The following ZNF304 variants were observed in gnomAD, a reference collection of about 807,000 sequenced individuals.
The protein encoded by ZNF304 is KRAB-containing zinc finger protein.
ZNF304 carries 7 observed loss-of-function variants against 7.8 expected under a neutral mutation model. The observed-to-expected ratio is 0.90, with a 90% CI of 0.51 to 1.69. The LOEUF (loss-of-function observed/expected upper bound fraction) is 1.69. ZNF304 is among the 40% of genes most tolerant of loss of function. ZNF304 has a pLI of 0.00. For missense variants in ZNF304, 669 were observed against 804.8 expected (o/e 0.83, Z 2.04); for synonymous variants, 280 against 272.4 (o/e 1.03, Z -0.27).
rs1340715210 is a variant in ZNF304, at chr19:57,359,415, A to AT, written c.*1570dup. 7 of 152,356 alleles carry AT rather than the reference A, an allele frequency of 4.6e-5. No homozygotes were observed. Among genetic ancestry groups the AT allele is most frequent in the East Asian group, 1.9e-4 (1 of 5,192 alleles). The allele number at this position is 152,356 out of a possible 1,614,324, so 9.4% of individuals were successfully genotyped here. A position where few individuals can be genotyped will look rare whatever the true frequency, so the allele number is the denominator to read the frequency against. ...TTTCCTAGTGGAACAGTATATATAG[A>AT]TTTTAATGAGGAACATTTATTTAAT... On this transcript the variant is annotated 3_prime_UTR_variant, in exon 3 of 3. Coordinates refer to ENST00000282286, the MANE Select transcript of ZNF304 (RefSeq NM_020657.4).
rs1253200503 is a variant in ZNF304 at position 57,356,786 on chromosome 19, A to C, written c.917A>C (p.His306Pro). The C allele has an allele frequency of 6.2e-7, 1 of 1,614,084 alleles. No homozygotes were observed. Among genetic ancestry groups the C allele is most frequent in the East Asian group, 2.2e-5 (1 of 44,892 alleles). Residue 306 changes from histidine (H) to proline (P), a missense_variant, in exon 3 of 3, where the codon CAC becomes CCC. Coordinates refer to ENST00000282286, the MANE Select transcript of ZNF304 (RefSeq NM_020657.4). ...MHQKFHTGKR[H>P]YTCSECGKAF... ...CAGAAATTTCACACTGGAAAAAGAC[A>C]CTATACATGCAGTGAATGTGGGAAG...
chr19:57,357,691 G>T lies in ZNF304; in HGVS notation c.1822G>T (p.Val608Phe), dbSNP rs775071237. 3.7e-6 allele frequency: 6 copies of T among 1,614,100 alleles called. No homozygotes were observed. The Admixed American group carries it at 5.0e-5, about 13-fold the overall frequency. ...RNSGLILHQR[V>F]HTGEKPYVCS... ...CTCTGGCCTCATTCTGCACCAGAGG[G>T]TTCACACTGGAGAAAAGCCTTACGT... The change falls in exon 3 of 3, where the codon GTT becomes TTT. Residue 608 changes from valine (V) to phenylalanine (F), a missense_variant. Transcript: ENST00000282286.
At position 57,356,139 on chromosome 19, in the gene ZNF304, A is replaced by G. The variant is rs770235098; in HGVS notation, c.270A>G (p.Pro90=). The G allele has an allele frequency of 1.2e-6, 2 of 1,614,192 alleles. No homozygotes were observed. The highest frequency in any genetic ancestry group is 2.2e-5 in the South Asian group (2 of 91,082). The stretch of plus-strand genomic sequence containing the variant: ...CAGGTCTTTTCCAGAAAGCACACCC[A>G]TGTGAGATGTGTGACCCACTCTTGA... ...AESGLFQKAH[P]CEMCDPLLKD... Residue 90 remains proline (P), a synonymous_variant, in exon 3 of 3, where the codon CCA becomes CCG. Coordinates refer to ENST00000282286, the MANE Select transcript of ZNF304 (RefSeq NM_020657.4).
rs1336190091 is a variant in ZNF304 at position 57,357,462 on chromosome 19, T to C, written c.1593T>C (p.Tyr531=). The C allele has an allele frequency of 6.2e-7, 1 of 1,613,940 alleles. No individual in the cohort carries two copies. The highest frequency in any genetic ancestry group is 1.1e-5 in the South Asian group (1 of 91,074). Residue 531 remains tyrosine, a synonymous_variant, in exon 3 of 3, where the codon TAT becomes TAC. Transcript: ENST00000282286. ...HQRIHTGAKP[Y]ECNECGKCFS... ...GAATTCACACTGGAGCAAAGCCTTA[T>C]GAGTGCAATGAATGTGGGAAATGCT...
Position 57,351,644 on chromosome 19 carries a change from C to T in ZNF304, c.-21C>T. 2 of 1,613,436 alleles carry T rather than the reference C, an allele frequency of 1.2e-6. No individual in the cohort carries two copies. Among genetic ancestry groups the T allele is most frequent in the Non-Finnish European group, 1.7e-6 (2 of 1,179,950 alleles). ...GGGTTTCGGCTGAGCCCACAGGGCA[C>T]AGACTGTTCATCCGCTTCTCATGGC... On this transcript the variant is annotated 5_prime_UTR_variant, in exon 1 of 3. Transcript: ENST00000282286. The surrounding 1 kb of genome is among the most constrained non-coding windows in gnomAD (Gnocchi z 4.1).
Position 57,356,212 on chromosome 19 carries a change from A to C in ZNF304, c.343A>C (p.Lys115Gln), listed in dbSNP as rs751265475. 2 of 1,614,150 alleles carry C rather than the reference A, an allele frequency of 1.2e-6. No individual in the cohort carries two copies. Among genetic ancestry groups the C allele is most frequent in the South Asian group, 2.2e-5 (2 of 91,094 alleles). The change falls in exon 3 of 3, where the codon AAA (lysine) becomes CAA (glutamine). Residue 115 changes from lysine (K) to glutamine (Q), a missense_variant. Physicochemically the swap from Lys to Gln is moderately conservative, Grantham distance 53 (BLOSUM62 1). Transcript: ENST00000282286. ...AEHQGSHLTQ[K>Q]LCTRGLCRRR... ...ACACCAGGGATCACACCTTACACAG[A>C]AACTGTGCACACGTGGGCTGTGTAG...
At chr19:57,355,167 T>C (rs1047867339) in intron 2 of ZNF304, 2 of 696,524 alleles carry the variant, frequency 2.9e-6, no homozygotes, top group African/African-American at 3.5e-5. Context: ...ATTACAGGGC[T>C]GTCCTGGTAC....
At position 57,351,724 on chromosome 19, in the gene ZNF304, C is replaced by G; in HGVS notation, c.33+27C>G. On this transcript the variant is annotated intron_variant, in intron 1 of 2. Transcript: ENST00000282286. This position sits in a 1 kb window ranked among gnomAD's most constrained non-coding sequence, Gnocchi z 4.1. ...TGAGTGGGGGCATCCCTCAAGCGCACCCCGGCCTGGTTGGTGTGTCCTGGG... is the reference window on the plus strand; with the variant it reads ...TGAGTGGGGGCATCCCTCAAGCGCAGCCCGGCCTGGTTGGTGTGTCCTGGG... 6.2e-7 allele frequency: 1 copy of G among 1,604,596 alleles called. No homozygotes were observed. The highest frequency in any genetic ancestry group is 8.5e-7 in the Non-Finnish European group (1 of 1,175,010).
In ZNF304 at chr19:57,358,248, C is replaced by A. The variant is rs78935203; in HGVS notation, c.*399C>A. The A allele has an allele frequency of 8.1e-5, 11 of 135,400 alleles. No individual in the cohort carries two copies. Among genetic ancestry groups the A allele is most frequent in the East Asian group, 2.6e-4 (1 of 3,854 alleles). 8.4% of individuals were successfully genotyped at this position (135,400 alleles called of 1,614,324 possible). ...ATTTTCAAGGACTTCCCCCCCCCCC[C>A]ACTTCACCCCCTACCATTGAGGGTC... On this transcript the variant is annotated 3_prime_UTR_variant, in exon 3 of 3. Transcript: ENST00000282286.
Position 57,357,138 on chromosome 19 carries a change from A to T in ZNF304, c.1269A>T (p.Glu423Asp). ...GGGCAAGGCCCTATGAATGCATAGA[A>T]TGTGGAAAATTCTTTAGCCATAACT... ...HTGARPYECI[E>D]CGKFFSHNSS... The change falls in exon 3 of 3, where the codon GAA (glutamate) becomes GAT (aspartate). Residue 423 changes from glutamate (E) to aspartate (D), a missense_variant. By Grantham distance (45) the Glu-to-Asp change is conservative (BLOSUM62 2). Transcript: ENST00000282286. 16 of 1,614,214 alleles carry T rather than the reference A, an allele frequency of 9.9e-6. No individual in the cohort carries two copies. The highest frequency in any genetic ancestry group is 1.4e-5 in the Non-Finnish European group (16 of 1,180,046).
chr19:57,351,945 AG>A lies in ZNF304; in HGVS notation c.33+253del. 1 of 469,298 alleles carries A rather than the reference AG, an allele frequency of 2.1e-6. No individual in the cohort carries two copies. Among genetic ancestry groups the A allele is most frequent in the Non-Finnish European group, 3.8e-6 (1 of 266,108 alleles). The allele number at this position is 469,298 out of a possible 1,614,324, so 29.1% of individuals were successfully genotyped here. On this transcript the variant is annotated intron_variant, in intron 1 of 2. Coordinates refer to ENST00000282286, the MANE Select transcript of ZNF304 (RefSeq NM_020657.4). This position sits in a 1 kb window ranked among gnomAD's most constrained non-coding sequence, Gnocchi z 4.1. ...TCTGTGCCTGGTGAGAACAGGGACT[AG>A]GGGGTCAGAGGTAGGCCTGGAATGG...
At chr19:57,353,902 C>A in intron 2 of ZNF304, 51 bp downstream of exon 2, 1 of 1,360,414 alleles carries the variant, frequency 7.4e-7, no homozygotes, top group Non-Finnish European at 9.9e-7. Flanking sequence ...TATCCCAAAG[C>A]TTAGTAACTG....
Position 57,357,554 on chromosome 19 carries a change from G to A in ZNF304, c.1685G>A (p.Ser562Asn). 1 of 1,614,192 alleles carries A rather than the reference G, an allele frequency of 6.2e-7. No individual in the cohort carries two copies. Among genetic ancestry groups the A allele is most frequent in the Non-Finnish European group, 8.5e-7 (1 of 1,180,008 alleles). The change falls in exon 3 of 3, where the codon AGT becomes AAT. Residue 562 changes from serine (S) to asparagine (N), a missense_variant. Coordinates refer to ENST00000282286, the MANE Select transcript of ZNF304 (RefSeq NM_020657.4). ...VHTGARPYVCSECGKAYISSS... is the reference protein window; with the variant it reads ...VHTGARPYVCNECGKAYISSS... ...ACAGGAGCAAGGCCTTATGTGTGCA[G>A]TGAATGTGGGAAGGCTTACATTAGT...
rs1210333376 is a variant in ZNF304 at position 57,359,747 on chromosome 19, C to CA, written c.*1900dup. On this transcript the variant is annotated 3_prime_UTR_variant, in exon 3 of 3. Transcript: ENST00000282286. ...TAATCCATTATCTTGTTGCATGAAT[C>CA]AATTGTTTGCTCATTTGTATTGCTG... The CA allele has an allele frequency of 6.6e-6, 1 of 152,200 alleles. No homozygotes were observed. Among genetic ancestry groups the CA allele is most frequent in the African/African-American group, 2.4e-5 (1 of 41,462 alleles). The allele number at this position is 152,200 out of a possible 1,614,324, so 9.4% of individuals were successfully genotyped here.
intron 2 of ZNF304, 39 bp from the exon 3 acceptor site, chr19:57,355,991 A>T (rs1454455934): frequency 1.3e-6 from 2 of 1,561,364 alleles, no homozygotes; most frequent in African/African-American, 1.4e-5. Flanking sequence ...CCTCCCACCA[A>T]AGTCAGCATG....
rs1434190233 is a variant in ZNF304, at chr19:57,353,715, A to G, written c.34-10A>G. 3 of 1,606,018 alleles carry G rather than the reference A, an allele frequency of 1.9e-6. No homozygotes were observed. Among genetic ancestry groups the G allele is most frequent in the African/African-American group, 1.3e-5 (1 of 74,702 alleles). On this transcript the variant is annotated splice_polypyrimidine_tract_variant and intron_variant, in intron 1 of 2. Transcript: ENST00000282286. ...GCTGACTGTGGACTCAGCTGTACTT[A>G]TCATGGCAGAGTTGTGTGACCTTCG...
intron 2 of ZNF304, chr19:57,355,132 G>A: frequency 1.5e-6 from 1 of 667,426 alleles, no homozygotes; most frequent in South Asian, 1.6e-5. Context: ...AATTTCAGGG[G>A]CTGACACAGT....
intron 1 of ZNF304, chr19:57,352,846 T>C (rs942440337): frequency 1.3e-5 from 2 of 152,186 alleles, no homozygotes; most frequent in East Asian, 1.9e-4. Context: ...GGTTTGTTTT[T>C]GCTGTAGCTG....
At chr19:57,354,713 A>G (rs1189127381) in intron 2 of ZNF304, among the ~76,000 whole-genome samples, 1 of 152,198 alleles carries the variant, frequency 6.6e-6, no homozygotes. Flanking sequence ...GAGTACCAAG[A>G]GGTAGGGATC....
Sources: gnomAD v4.1 joint callset for allele counts (sites outside exome capture counted in the v4.1 genomes callset) on GRCh38, gnomAD v4.1.1 for gene constraint, Gnocchi (gnomAD v3.1) non-coding constraint, MANE v1.5 for transcripts, NCBI Gene and HGNC (gene_info 2026-07-23, HGNC 2026-07-21) for gene names.